SHISA9: variants seen among roughly 807,000 people sequenced by gnomAD.
The protein encoded by SHISA9 is protein shisa-9.
SHISA9 carries 13 observed loss-of-function variants against 38.0 expected under a neutral mutation model. The observed-to-expected ratio is 0.34, with a 90% CI of 0.22 to 0.54. SHISA9 has a LOEUF of 0.54. Ranked by LOEUF, SHISA9 falls within the 20% of genes least tolerant of loss-of-function variation. The pLI is 0.91. For synonymous variants in SHISA9, 275 were observed against 242.0 expected (o/e 1.14, Z -1.27); for missense variants, 538 against 575.8 (o/e 0.93, Z 0.67).
At chr16:13,320,292 CAAAAAAAAAAAAAA>C in the SHISA9 span, among the ~76,000 whole-genome samples, 3 of 38,978 alleles carry the variant, frequency 7.7e-5, no homozygotes, top group African/African-American at 1.8e-4. Context: ...GACTCTGTCT[CAAAAAAAAAAAAAA>C]AAAAAAAAAA....
chr16:13,490,323 G>T, the SHISA9 span, among the ~76,000 whole-genome samples: 1 of 152,174 alleles, frequency 6.6e-6, no homozygotes, highest in Admixed American at 6.5e-5. Flanking sequence ...AGCACTTTGG[G>T]AGGCTGAGGC....
chr16:12,973,636 C>G (rs1228839932), intron 2 of SHISA9, among the ~76,000 whole-genome samples: 2 of 152,156 alleles, frequency 1.3e-5, no homozygotes, highest in African/African-American at 4.8e-5. Flanking sequence ...TGCCTATGAG[C>G]TAAGCAACTT....
At position 13,099,790 on chromosome 16, in the gene SHISA9, T is replaced by C. The variant is rs953905756; in HGVS notation, c.692-103604T>C. On this transcript the variant is annotated intron_variant, in intron 2 of 4. Coordinates refer to ENST00000558583, the MANE Select transcript of SHISA9 (RefSeq NM_001145204.3). ...TACACTGCCTTTTTCTCTGAGTGGGTTAGAAACCACTTCCAGTGTTGACCC... is the reference window on the plus strand; with the variant it reads ...TACACTGCCTTTTTCTCTGAGTGGGCTAGAAACCACTTCCAGTGTTGACCC... Among the ~76,000 whole-genome samples, 3 of 152,162 alleles carry C rather than the reference T, an allele frequency of 2.0e-5. No homozygotes were observed. The South Asian group carries it at 6.2e-4, about 31-fold the overall frequency.
intron 2 of SHISA9, among the ~76,000 whole-genome samples, chr16:13,031,026 C>A (rs963431972): frequency 6.6e-6 from 1 of 152,146 alleles, no homozygotes; most frequent in Non-Finnish European, 1.5e-5. Flanking sequence ...GAAGCCTGAG[C>A]CCATATCTTC....
chr16:13,104,247 G>T (rs902422330), intron 2 of SHISA9, among the ~76,000 whole-genome samples: 1 of 152,102 alleles, frequency 6.6e-6, no homozygotes, highest in African/African-American at 2.4e-5. Flanking sequence ...ATGAGCTTGG[G>T]TGGGAATGTA....
At chr16:13,227,372 C>T (rs1202074877) in intron 4 of SHISA9, among the ~76,000 whole-genome samples, 3 of 152,182 alleles carry the variant, frequency 2.0e-5, no homozygotes, top group African/African-American at 7.2e-5. Context: ...TTAGATATAG[C>T]TGGAAGGACT....
chr16:13,371,602 C>A, the SHISA9 span, among the ~76,000 whole-genome samples: 452 of 152,200 alleles, frequency 3.0e-3, 3 homozygotes, highest in Non-Finnish European at 3.8e-3. Flanking sequence ...TTGAAACACT[C>A]CTAAGGAAGT....
intron 2 of SHISA9, among the ~76,000 whole-genome samples, chr16:13,186,474 T>C (rs991788708): frequency 6.6e-6 from 1 of 151,698 alleles, no homozygotes; most frequent in African/African-American, 2.4e-5. Flanking sequence ...ATTTTTGTAT[T>C]TTTAGTAGAG....
At chr16:13,241,214 G>T (rs2051432700), downstream of SHISA9, among the ~76,000 whole-genome samples, 1 of 152,150 alleles carries the variant, frequency 6.6e-6, no homozygotes, top group South Asian at 2.1e-4. Context: ...GACTTTCATG[G>T]TGTCAAGAAT....
At chr16:13,367,367 T>C in the SHISA9 span, among the ~76,000 whole-genome samples, 1 of 149,160 alleles carries the variant, frequency 6.7e-6, no homozygotes, top group East Asian at 2.0e-4. Context: ...ACGGGTACCA[T>C]TTATTAAGCT....
chr16:13,395,605 C>T, the SHISA9 span, among the ~76,000 whole-genome samples: 3 of 152,200 alleles, frequency 2.0e-5, no homozygotes, highest in Admixed American at 6.5e-5. Context: ...TCTCATTTAG[C>T]TTTTAAATGT....
At chr16:13,417,661 C>T in the SHISA9 span, among the ~76,000 whole-genome samples, 3 of 152,240 alleles carry the variant, frequency 2.0e-5, no homozygotes, top group South Asian at 6.2e-4. Flanking sequence ...GTGGGAATCA[C>T]ACACATTGGG....
chr16:13,243,913 C>T (rs2051453679), downstream of SHISA9, among the ~76,000 whole-genome samples: 4 of 151,988 alleles, frequency 2.6e-5, no homozygotes, highest in South Asian at 8.3e-4. Flanking sequence ...GCTGGGACTA[C>T]AGGCACGCAC....
At chr16:13,048,503 C>A (rs1226672350) in intron 2 of SHISA9, among the ~76,000 whole-genome samples, 1 of 152,184 alleles carries the variant, frequency 6.6e-6, no homozygotes, top group Non-Finnish European at 1.5e-5. Context: ...TTCACTGCAA[C>A]CTCCACCTCC....
At chr16:13,034,356 C>T (rs979606962) in intron 2 of SHISA9, among the ~76,000 whole-genome samples, 1 of 152,116 alleles carries the variant, frequency 6.6e-6, no homozygotes, top group African/African-American at 2.4e-5. Context: ...CACCTCCTGG[C>T]CCAGCTAGAC....
chr16:13,203,332 G>A, intron 2 of SHISA9, 62 bp from the exon 3 acceptor site: 3 of 1,387,892 alleles, frequency 2.2e-6, no homozygotes, highest in Non-Finnish European at 2.8e-6. Flanking sequence ...TGTGGTGATG[G>A]GAGGGAAGGT....
the SHISA9 span, among the ~76,000 whole-genome samples, chr16:13,396,247 C>T: frequency 6.6e-6 from 1 of 152,234 alleles, no homozygotes; most frequent in Non-Finnish European, 1.5e-5. Context: ...TGGCTCACGC[C>T]TGTAATCCCA....
At chr16:13,537,275 A>G in the SHISA9 span, among the ~76,000 whole-genome samples, 4 of 152,052 alleles carry the variant, frequency 2.6e-5, no homozygotes, top group African/African-American at 9.7e-5. Context: ...TAAAAATACA[A>G]AAATTTACCG....
the SHISA9 span, among the ~76,000 whole-genome samples, chr16:13,500,488 G>A: frequency 6.6e-6 from 1 of 152,140 alleles, no homozygotes; most frequent in African/African-American, 2.4e-5. Context: ...GAAGGAAATA[G>A]CAGTTAATCT....
Sources: allele counts gnomAD v4.1 joint callset (sites outside exome capture counted in the v4.1 genomes callset), GRCh38; gene constraint gnomAD v4.1.1; transcripts MANE v1.5; gene names NCBI Gene and HGNC (gene_info 2026-07-23, HGNC 2026-07-21).